The following MCC variants were observed in gnomAD, a reference collection of about 807,000 sequenced individuals.
MCC encodes the protein colorectal mutant cancer protein.
MCC carries 90 observed loss-of-function variants against 116.2 expected under a neutral mutation model. The observed-to-expected ratio is 0.77, with a 90% CI of 0.65 to 0.92. The LOEUF is 0.92. Among genes scored for constraint, MCC ranks in the 40% least tolerant of loss-of-function variants. The probability of loss-of-function intolerance (pLI) is 0.00; values close to 1 mark genes in which losing one functional copy is unlikely to be tolerated. For synonymous variants in MCC, 578 were observed against 510.5 expected, an observed-to-expected ratio of 1.13 and a Z score of -1.78; for missense variants, 1,516 against 1,312.2, an observed-to-expected ratio of 1.16 and a Z score of -2.40.
chr5:113,183,885 G>A lies in MCC; in HGVS notation c.628-32463C>T, dbSNP rs1373656842. The stretch of plus-strand genomic sequence containing the variant: ...CATTAGCCCTTTCCACATGACTGCT[G>A]CTCTCCTCCCTCCTCTGCCCGCCCC... On this transcript the variant is annotated intron_variant, in intron 3 of 18. Coordinates refer to ENST00000408903, the MANE Select transcript of MCC (RefSeq NM_001085377.2). 2.0e-5 allele frequency among the ~76,000 whole-genome samples: 3 copies of A among 152,116 alleles called. No homozygotes were observed. The South Asian group carries it at 6.2e-4, about 32-fold the overall frequency.
At chr5:113,061,461 T>G (rs1007846799) in intron 14 of MCC, among the ~76,000 whole-genome samples, 8 of 152,206 alleles carry the variant, frequency 5.3e-5, no homozygotes, top group African/African-American at 1.9e-4. Flanking sequence ...GATATGTTGA[T>G]AAAGCCATCC....
intron 1 of MCC, among the ~76,000 whole-genome samples, chr5:113,394,328 T>C (rs1769473767): frequency 6.6e-6 from 1 of 152,100 alleles, no homozygotes; most frequent in South Asian, 2.1e-4. Context: ...ACTGCATTGG[T>C]CTCCTAATTG....
At chr5:113,242,932 C>G (rs1290526784) in intron 3 of MCC, among the ~76,000 whole-genome samples, 1 of 152,196 alleles carries the variant, frequency 6.6e-6, no homozygotes, top group Non-Finnish European at 1.5e-5. Flanking sequence ...AGAGTTTCCT[C>G]TCCTCAGTGA....
At chr5:113,185,375 T>C (rs1318153520) in intron 3 of MCC, among the ~76,000 whole-genome samples, 4 of 152,154 alleles carry the variant, frequency 2.6e-5, no homozygotes, top group African/African-American at 9.7e-5. Flanking sequence ...CAAATTGTTC[T>C]GACCAGCAAA....
intron 3 of MCC, among the ~76,000 whole-genome samples, chr5:113,165,372 A>G (rs987634117): frequency 1.3e-5 from 2 of 152,202 alleles, no homozygotes; most frequent in Non-Finnish European, 2.9e-5. Flanking sequence ...CCCCCTACCT[A>G]CAAGAAACAC....
At position 113,143,245 on chromosome 5, in the gene MCC, A is replaced by G. The variant is rs764969229; in HGVS notation, c.857T>C (p.Ile286Thr). 18 of 1,610,720 alleles carry G rather than the reference A, an allele frequency of 1.1e-5. No homozygotes were observed. Among genetic ancestry groups the G allele is most frequent in the African/African-American group, 2.7e-5 (2 of 74,808 alleles). Reference protein sequence around the residue: ...HSVIAELNKKIDRLQGTTIRE... With the variant: ...HSVIAELNKKTDRLQGTTIRE... ...GATGGTGGTGCCTTGCAGACGGTCT[A>G]TCTTCTTGTTGAGCTCCGCAATGAC... is the stretch of plus-strand genomic sequence containing the variant. Residue 286 changes from isoleucine (I) to threonine (T), a missense_variant, in exon 5 of 19, where the codon ATA (isoleucine) becomes ACA (threonine). Ile to Thr is a moderately conservative substitution (Grantham distance 89). Transcript: ENST00000408903.
chr5:113,315,704 CAAAAA>C (rs35274366), intron 3 of MCC, among the ~76,000 whole-genome samples: 2,362 of 64,552 alleles, frequency 0.037, 71 homozygotes, highest in African/African-American at 0.11. Context: ...CCCATCTCTA[CAAAAA>C]AAAAAAAAAA....
chr5:113,096,901 G>A (rs1756059868), intron 8 of MCC, among the ~76,000 whole-genome samples: 1 of 152,190 alleles, frequency 6.6e-6, no homozygotes, highest in Non-Finnish European at 1.5e-5. Flanking sequence ...CCATGTGGAA[G>A]GAGCACACTG....
At chr5:113,038,678 C>T (rs891611197) in intron 17 of MCC, among the ~76,000 whole-genome samples, 2 of 152,020 alleles carry the variant, frequency 1.3e-5, no homozygotes, top group African/African-American at 4.8e-5. Context: ...AGAGCAGTCT[C>T]ACGGCAGGTG....
intron 1 of MCC, among the ~76,000 whole-genome samples, chr5:113,447,727 T>C (rs913475316): frequency 2.6e-5 from 4 of 152,154 alleles, no homozygotes; most frequent in African/African-American, 7.2e-5. Context: ...CTACATTCTC[T>C]CTCTCCATCT....
chr5:113,225,441 C>A (rs1242198225), intron 3 of MCC, among the ~76,000 whole-genome samples: 1 of 152,120 alleles, frequency 6.6e-6, no homozygotes, highest in Non-Finnish European at 1.5e-5. Flanking sequence ...TTCCACTTTC[C>A]CCACCTCACT....
Position 113,434,415 on chromosome 5 carries a change from AG to A in MCC, c.171-49204del. 3.7e-6 allele frequency: 6 copies of A among 1,613,894 alleles called. No homozygotes were observed. The highest frequency in any genetic ancestry group is 5.1e-6 in the Non-Finnish European group (6 of 1,180,008). On this transcript the variant is annotated intron_variant, in intron 1 of 18. Transcript: ENST00000408903. The surrounding 1 kb of genome is among the most constrained non-coding windows in gnomAD (Gnocchi z 4.2). ...GATGTTGAAGTCCTTGTCAAGGAGA[AG>A]GTTGTCACACTTGAGGTCCCGGTGG...
chr5:113,390,867 G>A (rs1769382722), intron 1 of MCC, among the ~76,000 whole-genome samples: 2 of 152,130 alleles, frequency 1.3e-5, no homozygotes, highest in South Asian at 4.1e-4. Context: ...GCTCATGAAA[G>A]ACTACAAAAA....
intron 3 of MCC, among the ~76,000 whole-genome samples, chr5:113,240,596 C>T (rs993498060): frequency 2.0e-5 from 3 of 152,186 alleles, no homozygotes; most frequent in African/African-American, 7.2e-5. Flanking sequence ...ATCAGTGGCA[C>T]TATTTACAGC....
chr5:113,396,970 G>A (rs923887306), intron 1 of MCC, among the ~76,000 whole-genome samples: 4 of 152,178 alleles, frequency 2.6e-5, no homozygotes, highest in Admixed American at 6.5e-5. Flanking sequence ...TTTCTTTAGG[G>A]GCATAAAAAT....
At chr5:113,274,626 GC>G (rs1193132471) in intron 3 of MCC, among the ~76,000 whole-genome samples, 1 of 152,122 alleles carries the variant, frequency 6.6e-6, no homozygotes, top group East Asian at 1.9e-4. Context: ...CTCCCAAAGT[GC>G]CAGGATTACA....
intron 18 of MCC, among the ~76,000 whole-genome samples, chr5:113,028,702 G>A (rs1750747579): frequency 6.6e-6 from 1 of 152,134 alleles, no homozygotes; most frequent in Non-Finnish European, 1.5e-5. Context: ...GCTACATTTG[G>A]CCAAAGGATG....
intron 3 of MCC, among the ~76,000 whole-genome samples, chr5:113,183,331 T>G (rs1031173502): frequency 1.3e-5 from 2 of 152,184 alleles, no homozygotes; most frequent in Non-Finnish European, 2.9e-5. Context: ...CTTCTCTAAA[T>G]TTTAGCTTTT....
At chr5:113,456,500 A>G (rs1199970051) in intron 1 of MCC, among the ~76,000 whole-genome samples, 1 of 151,890 alleles carries the variant, frequency 6.6e-6, no homozygotes, top group Non-Finnish European at 1.5e-5. Flanking sequence ...TCTGTTGCCC[A>G]GGCTGGAGTG....
Sources: allele counts gnomAD v4.1 joint callset (sites outside exome capture counted in the v4.1 genomes callset), GRCh38; gene constraint gnomAD v4.1.1; non-coding constraint Gnocchi (gnomAD v3.1); transcripts MANE v1.5; gene names NCBI Gene and HGNC (gene_info 2026-07-23, HGNC 2026-07-21).